The following DELE1 variants were observed in gnomAD, a reference collection of about 807,000 sequenced individuals.
The protein encoded by DELE1 is death ligand signal enhancer.
A neutral mutation model predicts 59.3 loss-of-function variants in DELE1; 54 were observed. The ratio of observed to expected loss-of-function variants is 0.91; its 90% CI spans 0.73 to 1.14. The LOEUF (loss-of-function observed/expected upper bound fraction) is 1.14. Ranked by LOEUF, DELE1 falls within the 50% of genes most tolerant of loss-of-function variation. The pLI, the probability that DELE1 is intolerant of heterozygous loss-of-function variation, is 0.00. For synonymous variants in DELE1, 264 were observed against 259.1 expected (o/e 1.02, Z -0.18); for missense variants, 636 against 643.9 (o/e 0.99, Z 0.13).
intron 11 of DELE1, 68 bp from the exon 12 acceptor site, chr5:141,938,453 G>T: frequency 1.3e-6 from 2 of 1,556,652 alleles, no homozygotes; most frequent in Admixed American, 1.8e-5. Flanking sequence ...TTGAAGAAGT[G>T]CTGGCTCCAA....
Position 141,928,186 on chromosome 5 carries a change from G to A in DELE1, c.300G>A (p.Arg100=), listed in dbSNP as rs759560139. ...CCGTGCTGGCCCTGCAGCTGGCAAGGCAGATCCACTTCCAGGCATCCCTGC... is the reference window on the plus strand; with the variant it reads ...CCGTGCTGGCCCTGCAGCTGGCAAGACAGATCCACTTCCAGGCATCCCTGC... The part of the protein sequence containing the change: ...TLAVLALQLA[R]QIHFQASLPA... The change falls in exon 4 of 12, where the codon AGG becomes AGA. Residue 100 remains arginine, a synonymous_variant. Coordinates refer to ENST00000432126, the MANE Select transcript of DELE1 (RefSeq NM_014773.5). The A allele has an allele frequency of 2.5e-6, 4 of 1,614,180 alleles. No homozygotes were observed. The highest frequency in any genetic ancestry group is 3.4e-6 in the Non-Finnish European group (4 of 1,180,016).
At chr5:141,925,005 G>A (rs1157671194) in intron 2 of DELE1, among the ~76,000 whole-genome samples, 1 of 152,044 alleles carries the variant, frequency 6.6e-6, no homozygotes, top group Non-Finnish European at 1.5e-5. Context: ...TTGGCTCACT[G>A]AAACCTCCGC....
Position 141,938,918 on chromosome 5 carries a change from C to G in DELE1, c.*159C>G. The G allele has an allele frequency of 1.4e-6, 2 of 1,438,334 alleles. No individual in the cohort carries two copies. The highest frequency in any genetic ancestry group is 2.9e-5 in the South Asian group (2 of 68,458). 89.1% of individuals were successfully genotyped at this position (1,438,334 alleles called of 1,614,324 possible). A position where few individuals can be genotyped will look rare whatever the true frequency, so the allele number is the denominator to read the frequency against. Reference sequence around the variant, plus strand: ...CGTACATGGCTGGTAAGTGACTGATCTTTCCCCCCGCTTGGTAGCCTCACA... The same window carrying G: ...CGTACATGGCTGGTAAGTGACTGATGTTTCCCCCCGCTTGGTAGCCTCACA... On this transcript the variant is annotated 3_prime_UTR_variant, in exon 12 of 12. Transcript: ENST00000432126.
At chr5:141,935,473 G>A (rs115965030) in intron 10 of DELE1, among the ~76,000 whole-genome samples, 2,223 of 152,308 alleles carry the variant, frequency 0.015, 68 homozygotes, top group African/African-American at 0.051. Context: ...CAATATATGC[G>A]TGAACTGTAA....
At chr5:141,937,469 G>C in intron 11 of DELE1, 112 bp downstream of exon 11, 1 of 1,286,164 alleles carries the variant, frequency 7.8e-7, no homozygotes, top group Non-Finnish European at 1.1e-6. Flanking sequence ...CCCCAGTGGT[G>C]GCTAAGAATG....
rs1490357225 is a variant in DELE1, at chr5:141,939,404, A to G, written c.*645A>G. 1 of 985,684 alleles carries G rather than the reference A, an allele frequency of 1.0e-6. No homozygotes were observed. Among genetic ancestry groups the G allele is most frequent in the Non-Finnish European group, 1.2e-6 (1 of 829,866 alleles). The allele number at this position is 985,684 out of a possible 1,614,324, so 61.1% of individuals were successfully genotyped here. On this transcript the variant is annotated 3_prime_UTR_variant, in exon 12 of 12. Coordinates refer to ENST00000432126, the MANE Select transcript of DELE1 (RefSeq NM_014773.5). ...GTGGTTCCATGAATGGCTGACACTTAGGAAACTCTGAATTAGGCCATCCTC... is the reference window on the plus strand; with the variant it reads ...GTGGTTCCATGAATGGCTGACACTTGGGAAACTCTGAATTAGGCCATCCTC...
At position 141,940,550 on chromosome 5, in the gene DELE1, C is replaced by G. The variant is rs1480248259; in HGVS notation, c.*1791C>G. ...ACGTTTCCCTCTCTGCTTCCCACCC[C>G]ATCTCTCTCAACTTCTTAGTGGTCC... On this transcript the variant is annotated 3_prime_UTR_variant, in exon 12 of 12. Transcript: ENST00000432126. 3 of 985,338 alleles carry G rather than the reference C, an allele frequency of 3.0e-6. No homozygotes were observed. Among genetic ancestry groups the G allele is most frequent in the Middle Eastern group, 5.2e-4 (1 of 1,936 alleles). The allele number at this position is 985,338 out of a possible 1,614,324, so 61.0% of individuals were successfully genotyped here.
At chr5:141,929,560 T>A (rs748949334) in intron 4 of DELE1, 22 bp from the exon 5 acceptor site, 1 of 1,611,308 alleles carries the variant, frequency 6.2e-7, no homozygotes, top group Non-Finnish European at 8.5e-7. Flanking sequence ...CAGACCTGAC[T>A]ACTCTTGCTG....
In DELE1 at chr5:141,923,947, G is replaced by A. The variant is rs1751141957; in HGVS notation, c.6G>A (p.Trp2Ter). The A allele has an allele frequency of 6.2e-7, 1 of 1,608,518 alleles. No homozygotes were observed. ...TCTGTGGTGCTGGCAGCGACATGTG[G>A]CGCCTCCCGGGACTCCTGGGCCGAG... M[W>*]RLPGLLGRAL... The change falls in exon 1 of 12, where the codon TGG becomes TGA. Residue 2 changes from tryptophan to a stop codon, truncating the protein, a stop_gained. Coordinates refer to ENST00000432126, the MANE Select transcript of DELE1 (RefSeq NM_014773.5). LOFTEE classifies it high-confidence loss of function.
At chr5:141,937,586 C>T (rs576980339) in intron 11 of DELE1, among the ~76,000 whole-genome samples, 108 of 151,524 alleles carry the variant, frequency 7.1e-4, no homozygotes, top group Non-Finnish European at 1.1e-3. Flanking sequence ...CTGGCTAACA[C>T]GGTGAAACCC....
chr5:141,925,826 C>A (rs912478493), intron 3 of DELE1, among the ~76,000 whole-genome samples: 1 of 151,626 alleles, frequency 6.6e-6, no homozygotes, highest in African/African-American at 2.4e-5. Context: ...ATGGATCTTA[C>A]AATAAATAAT....
chr5:141,929,805 G>A (rs1168619177), intron 5 of DELE1, 65 bp downstream of exon 5: 1 of 1,591,276 alleles, frequency 6.3e-7, no homozygotes, highest in African/African-American at 1.3e-5. Flanking sequence ...GGGCAAGATG[G>A]ACGTTGTTTG....
Position 141,941,668 on chromosome 5 carries a change from A to G in DELE1, c.*2909A>G, listed in dbSNP as rs1478613286. ...CAATGAGACCTTTGTGGGAAGCTCTACTGCCTCAGTTTCCCTATCCGGAGA... is the reference window on the plus strand; with the variant it reads ...CAATGAGACCTTTGTGGGAAGCTCTGCTGCCTCAGTTTCCCTATCCGGAGA... On this transcript the variant is annotated 3_prime_UTR_variant, in exon 12 of 12. Transcript: ENST00000432126. The G allele has an allele frequency of 1.0e-6, 1 of 985,292 alleles. No homozygotes were observed. Among genetic ancestry groups the G allele is most frequent in the African/African-American group, 1.7e-5 (1 of 57,234 alleles). The allele number at this position is 985,292 out of a possible 1,614,324, so 61.0% of individuals were successfully genotyped here.
At chr5:141,933,462 T>G in intron 8 of DELE1, 61 bp downstream of exon 8, 1 of 1,300,496 alleles carries the variant, frequency 7.7e-7, no homozygotes, top group Non-Finnish European at 1.0e-6. Context: ...TGTCTAGAAA[T>G]GAGCAGTGGG....
rs1357593079 is a variant in DELE1 at position 141,930,290 on chromosome 5, C to T, written c.754+16C>T. 2.5e-6 allele frequency: 4 copies of T among 1,581,892 alleles called. No individual in the cohort carries two copies. The highest frequency in any genetic ancestry group is 1.7e-5 in the Admixed American group (1 of 59,858). ...AACTTCCTGGGTAACCAAATGGACC[C>T]TGCCCCAAGGCAGGAGGGTGGGAAA... On this transcript the variant is annotated intron_variant, in intron 7 of 11. Coordinates refer to ENST00000432126, the MANE Select transcript of DELE1 (RefSeq NM_014773.5).
intron 1 of DELE1, 68 bp downstream of exon 1, chr5:141,924,040 C>G (rs748872781): frequency 3.2e-4 from 495 of 1,565,854 alleles, no homozygotes; most frequent in Non-Finnish European, 4.2e-4. Flanking sequence ...GGGGCGGGCC[C>G]GAGGAAACAG....
chr5:141,938,614 G>C lies in DELE1; in HGVS notation c.1403G>C (p.Arg468Pro). 3.7e-6 allele frequency: 6 copies of C among 1,614,042 alleles called. No individual in the cohort carries two copies. Among genetic ancestry groups the C allele is most frequent in the Non-Finnish European group, 5.1e-6 (6 of 1,180,002 alleles). Residue 468 changes from arginine (R) to proline (P), a missense_variant, in exon 12 of 12, where the codon CGC becomes CCC. Physicochemically the swap from Arg to Pro is moderately radical, Grantham distance 103. Coordinates refer to ENST00000432126, the MANE Select transcript of DELE1 (RefSeq NM_014773.5). ...AACACCCTGCTAGCAGGAACCTCAC[G>C]CCTACCACATGCCTCGAGCACAGGC... ...SLNTLLAGTSRLPHASSTGNL... is the reference protein window; with the variant it reads ...SLNTLLAGTSPLPHASSTGNL...
At position 141,939,755 on chromosome 5, in the gene DELE1, G is replaced by T; in HGVS notation, c.*996G>T. 1.1e-6 allele frequency: 1 copy of T among 930,410 alleles called. No homozygotes were observed. 57.6% of individuals were successfully genotyped at this position (930,410 alleles called of 1,614,324 possible). A position where few individuals can be genotyped will look rare whatever the true frequency, so the allele number is the denominator to read the frequency against. On this transcript the variant is annotated 3_prime_UTR_variant, in exon 12 of 12. Transcript: ENST00000432126. ...CCTGGCCATGTCACCTTGAAGCTGTGACCTGACTCCCTATATTGTTTCCTC... is the reference window on the plus strand; with the variant it reads ...CCTGGCCATGTCACCTTGAAGCTGTTACCTGACTCCCTATATTGTTTCCTC...
chr5:141,934,475 C>T lies in DELE1; in HGVS notation c.1057-19C>T, dbSNP rs1362365110. ...GAAAGTGACCAAGATGCCTTCTTTT[C>T]CTTCCTCCTTGACCACAGGCCCAAG... On this transcript the variant is annotated intron_variant, in intron 9 of 11. Transcript: ENST00000432126. The T allele has an allele frequency of 1.2e-6, 2 of 1,614,080 alleles. No individual in the cohort carries two copies. Among genetic ancestry groups the T allele is most frequent in the African/African-American group, 2.7e-5 (2 of 74,936 alleles).
Sources: allele counts gnomAD v4.1 joint callset (sites outside exome capture counted in the v4.1 genomes callset), GRCh38; gene constraint gnomAD v4.1.1; transcripts MANE v1.5; gene names NCBI Gene and HGNC (gene_info 2026-07-23, HGNC 2026-07-21).